SORCS3: variants seen among roughly 807,000 people sequenced by gnomAD.
SORCS3 encodes VPS10 domain-containing receptor SorCS3.
SORCS3 carries 57 observed loss-of-function variants against 146.3 expected under a neutral mutation model. That is an observed-to-expected ratio of 0.39 (90% confidence interval 0.31 to 0.49). The LOEUF is 0.49. Ranked by LOEUF, SORCS3 falls within the 20% of genes least tolerant of loss-of-function variation. SORCS3 has a pLI of 0.92. For synonymous variants in SORCS3, 653 were observed against 618.5 expected, an observed-to-expected ratio of 1.06 and a Z score of -0.83; for missense variants, 1,341 against 1,575.5, an observed-to-expected ratio of 0.85 and a Z score of 2.52.
chr10:105,056,259 C>T (rs1380172766), intron 5 of SORCS3, among the ~76,000 whole-genome samples: 1 of 152,150 alleles, frequency 6.6e-6, no homozygotes. Flanking sequence ...ACATTTTGGG[C>T]TGGATAATTG....
In SORCS3 at chr10:105,017,175, C is replaced by T. The variant is rs151058123; in HGVS notation, c.955-25880C>T. 8.6e-5 allele frequency among the ~76,000 whole-genome samples: 13 copies of T among 151,102 alleles called. 1 individual carries two copies. The highest frequency in any genetic ancestry group is 3.2e-4 in the African/African-American group (13 of 41,110). ...TTTTTTTTGAGGGAACCGTCTGCTTCTGCTGGTCTCTGCATGAAATGATTA... is the reference window on the plus strand; with the variant it reads ...TTTTTTTTGAGGGAACCGTCTGCTTTTGCTGGTCTCTGCATGAAATGATTA... On this transcript the variant is annotated intron_variant, in intron 4 of 26. Transcript: ENST00000369701.
chr10:105,206,951 A>G (rs769452267), intron 16 of SORCS3, among the ~76,000 whole-genome samples: 5 of 152,128 alleles, frequency 3.3e-5, no homozygotes, highest in Non-Finnish European at 5.9e-5. Context: ...GGAATCAGGG[A>G]GGCTGTGATA....
At chr10:104,723,141 C>G (rs994795563) in intron 1 of SORCS3, among the ~76,000 whole-genome samples, 1 of 152,214 alleles carries the variant, frequency 6.6e-6, no homozygotes, top group African/African-American at 2.4e-5. Context: ...CCTCTACACA[C>G]TGCTTTGAAT....
intron 5 of SORCS3, among the ~76,000 whole-genome samples, chr10:105,070,846 A>G (rs2133725759): frequency 6.6e-6 from 1 of 152,242 alleles, no homozygotes; most frequent in East Asian, 1.9e-4. Context: ...CATTCTCAGC[A>G]AGTGAACAAA....
Position 105,155,951 on chromosome 10 carries a change from A to G in SORCS3, c.1483-1187A>G, listed in dbSNP as rs571463188. ...CTTTCAAGACCAATCAGGTTACTTA[A>G]AAAAAGAAGAGAAGACTTTTTATTT... is the stretch of plus-strand genomic sequence containing the variant. On this transcript the variant is annotated intron_variant, in intron 9 of 26. Coordinates refer to ENST00000369701, the MANE Select transcript of SORCS3 (RefSeq NM_014978.3). Among the ~76,000 whole-genome samples, 20 of 152,296 alleles carry G rather than the reference A, an allele frequency of 1.3e-4. No individual in the cohort carries two copies. The South Asian group carries it at 4.1e-3, about 32-fold the overall frequency.
At chr10:104,755,545 G>A (rs144856944) in intron 1 of SORCS3, among the ~76,000 whole-genome samples, 1 of 152,166 alleles carries the variant, frequency 6.6e-6, no homozygotes, top group Non-Finnish European at 1.5e-5. Context: ...GAGTAGTTAA[G>A]GAAAACCTAG....
chr10:104,715,406 C>T (rs2016464731), intron 1 of SORCS3, among the ~76,000 whole-genome samples: 1 of 152,216 alleles, frequency 6.6e-6, no homozygotes, highest in Non-Finnish European at 1.5e-5. Context: ...GTTACACCAT[C>T]AGCTCCCCTG....
chr10:104,954,280 G>T (rs927165573), intron 3 of SORCS3, among the ~76,000 whole-genome samples: 1 of 152,126 alleles, frequency 6.6e-6, no homozygotes, highest in Non-Finnish European at 1.5e-5. Flanking sequence ...CCATTGCCTG[G>T]AGTTTTGAAG....
intron 19 of SORCS3, among the ~76,000 whole-genome samples, chr10:105,220,619 C>G (rs1458167297): frequency 6.6e-6 from 1 of 152,032 alleles, no homozygotes; most frequent in East Asian, 1.9e-4. Context: ...AAAGGGTCCC[C>G]TAAAGGGGCC....
chr10:104,680,970 G>A (rs2015965130), intron 1 of SORCS3, among the ~76,000 whole-genome samples: 1 of 152,246 alleles, frequency 6.6e-6, no homozygotes, highest in African/African-American at 2.4e-5. Context: ...ACAGAGAGCA[G>A]GAGGGACAGG....
At chr10:105,050,007 G>A (rs1040612490) in intron 5 of SORCS3, among the ~76,000 whole-genome samples, 22 of 148,618 alleles carry the variant, frequency 1.5e-4, no homozygotes, top group African/African-American at 5.4e-4. Context: ...AACTATATAT[G>A]TGTATATGTG....
chr10:104,781,601 A>T (rs1045196898), intron 1 of SORCS3, among the ~76,000 whole-genome samples: 1 of 152,244 alleles, frequency 6.6e-6, no homozygotes, highest in African/African-American at 2.4e-5. Flanking sequence ...CACACTTTTC[A>T]AGAAACAAAA....
intron 2 of SORCS3, among the ~76,000 whole-genome samples, chr10:104,913,456 A>G (rs2018991176): frequency 1.3e-5 from 2 of 152,252 alleles, no homozygotes. Flanking sequence ...GACAAGAGTC[A>G]GAGAATAAGT....
chr10:104,776,798 G>T (rs190166552), intron 1 of SORCS3, among the ~76,000 whole-genome samples: 61 of 148,644 alleles, frequency 4.1e-4, no homozygotes, highest in Middle Eastern at 3.6e-3. Context: ...AATACTCAGA[G>T]AACTTTTCTG....
At chr10:104,956,376 A>C (rs1456508748) in intron 3 of SORCS3, among the ~76,000 whole-genome samples, 1 of 152,160 alleles carries the variant, frequency 6.6e-6, no homozygotes, top group African/African-American at 2.4e-5. Flanking sequence ...TACTTCATAC[A>C]TCTCAGCTGT....
At chr10:104,698,446 A>G (rs537218535) in intron 1 of SORCS3, among the ~76,000 whole-genome samples, 3 of 152,180 alleles carry the variant, frequency 2.0e-5, no homozygotes, top group Non-Finnish European at 4.4e-5. Flanking sequence ...ATTCCTGAGT[A>G]AGAGTTGTTA....
intron 9 of SORCS3, among the ~76,000 whole-genome samples, chr10:105,156,878 A>G (rs754887296): frequency 2.6e-5 from 4 of 151,980 alleles, no homozygotes; most frequent in Non-Finnish European, 2.9e-5. Flanking sequence ...GGAACAAAGT[A>G]CAGAGACGAG....
At chr10:105,032,573 T>C (rs2797813) in intron 4 of SORCS3, among the ~76,000 whole-genome samples, 51,801 of 152,016 alleles carry the variant, frequency 0.34, 11,061 homozygotes, top group African/African-American at 0.61. Context: ...TAAATGTCCT[T>C]CTGGAATTAT....
At position 104,700,466 on chromosome 10, in the gene SORCS3, A is replaced by G. The variant is rs139775281; in HGVS notation, c.627+58512A>G. Reference sequence around the variant, plus strand: ...GCATTGACCAAAGGAGAGTAGGTATATATTCTCTTTCTCTTCCTTTCTTCA... The same window carrying G: ...GCATTGACCAAAGGAGAGTAGGTATGTATTCTCTTTCTCTTCCTTTCTTCA... On this transcript the variant is annotated intron_variant, in intron 1 of 26. Coordinates refer to ENST00000369701, the MANE Select transcript of SORCS3 (RefSeq NM_014978.3). Among the ~76,000 whole-genome samples, 763 of 152,220 alleles carry G rather than the reference A, an allele frequency of 5.0e-3. 5 individuals are homozygous for G. The highest frequency in any genetic ancestry group is 6.6e-3 in the Non-Finnish European group (451 of 68,004).
Sources: gnomAD v4.1 joint callset for allele counts (sites outside exome capture counted in the v4.1 genomes callset) on GRCh38, gnomAD v4.1.1 for gene constraint, MANE v1.5 for transcripts, NCBI Gene and HGNC (gene_info 2026-07-23, HGNC 2026-07-21) for gene names.